COL6A6: variants seen among roughly 807,000 people sequenced by gnomAD.
The protein encoded by COL6A6 is collagen type VI alpha 6 chain.
A neutral mutation model predicts 208.6 loss-of-function variants in COL6A6; 183 were observed. The observed-to-expected ratio is 0.88, with a 90% confidence interval of 0.78 to 0.99. COL6A6 has a LOEUF of 0.99. COL6A6 is among the 50% of genes least tolerant of loss of function. The pLI is 0.00. For missense variants in COL6A6, 2,816 were observed against 2,815.2 expected (o/e 1.00, Z -0.01); for synonymous variants, 973 against 1,011.8 (o/e 0.96, Z 0.73).
At chr3:130,517,465 A>G (rs1391352254) in intron 1 of COL6A6, among the ~76,000 whole-genome samples, 68 bp downstream of exon 1, 9 of 152,244 alleles carry the variant, frequency 5.9e-5, no homozygotes, top group African/African-American at 2.2e-4. Context: ...CAGTAGTTGG[A>G]TGGGAGGGAC....
intron 1 of COL6A6, among the ~76,000 whole-genome samples, chr3:130,521,191 T>G (rs897815281): frequency 6.6e-6 from 1 of 152,218 alleles, no homozygotes; most frequent in Non-Finnish European, 1.5e-5. Context: ...TTGCCAGAGT[T>G]AGTTGGCAAA....
chr3:130,624,428 T>C (rs964110268), intron 24 of COL6A6, among the ~76,000 whole-genome samples: 1 of 152,104 alleles, frequency 6.6e-6, no homozygotes, highest in African/African-American at 2.4e-5. Flanking sequence ...AATTGGAGGA[T>C]GTAACAAGAT....
At chr3:130,547,493 C>G (rs915424822) in intron 1 of COL6A6, among the ~76,000 whole-genome samples, 1 of 152,206 alleles carries the variant, frequency 6.6e-6, no homozygotes, top group Admixed American at 6.5e-5. Context: ...CCTTGGCCAG[C>G]CTAGAGAGGG....
intron 1 of COL6A6, among the ~76,000 whole-genome samples, chr3:130,551,130 T>TC (rs35757679): frequency 0.68 from 101,596 of 150,288 alleles, 37,710 homozygotes; most frequent in Non-Finnish European, 0.83. Context: ...TTTTTTTTTT[T>TC]CTGTGTGTGT....
In COL6A6 at chr3:130,661,741, G is replaced by A. The variant is rs769186974; in HGVS notation, c.5935G>A (p.Ala1979Thr). 20 of 1,613,800 alleles carry A rather than the reference G, an allele frequency of 1.2e-5. No homozygotes were observed. The Admixed American group carries it at 1.7e-4, about 13-fold the overall frequency. Residue 1979 changes from alanine (A) to threonine (T), a missense_variant, in exon 35 of 37, where the codon GCT becomes ACT. Transcript: ENST00000358511. ...GGATGCCTCCCGGAACATGGGAAGT[G>A]CTGAATTTGAAGACATAAGAGCCTT... ...LLDASRNMGS[A>T]EFEDIRAFLG...
chr3:130,528,554 A>G (rs574961084), intron 1 of COL6A6, among the ~76,000 whole-genome samples: 1 of 152,244 alleles, frequency 6.6e-6, no homozygotes, highest in Non-Finnish European at 1.5e-5. Context: ...ATGCAGCCGT[A>G]GATAGTACAT....
At chr3:130,553,533 C>A (rs1178246191) in intron 1 of COL6A6, among the ~76,000 whole-genome samples, 1 of 152,010 alleles carries the variant, frequency 6.6e-6, no homozygotes, top group Non-Finnish European at 1.5e-5. Context: ...ACCATTTCTT[C>A]TTTCATCTCC....
intron 6 of COL6A6, among the ~76,000 whole-genome samples, chr3:130,569,596 A>G (rs2107920830): frequency 6.6e-6 from 1 of 152,330 alleles, no homozygotes; most frequent in Non-Finnish European, 1.5e-5. Flanking sequence ...TTTGGTGCTC[A>G]TGATCTGTAT....
At chr3:130,575,110 T>C (rs948053588) in intron 8 of COL6A6, among the ~76,000 whole-genome samples, 1 of 152,148 alleles carries the variant, frequency 6.6e-6, no homozygotes, top group Non-Finnish European at 1.5e-5. Context: ...TGATTCTATA[T>C]AACTACCAAA....
At chr3:130,671,229 C>A (rs1314871244) in intron 36 of COL6A6, among the ~76,000 whole-genome samples, 2 of 152,174 alleles carry the variant, frequency 1.3e-5, no homozygotes, top group African/African-American at 4.8e-5. Flanking sequence ...ATGTAGCCAG[C>A]CATGAATGCT....
At chr3:130,648,132 A>G (rs1251319057) in intron 32 of COL6A6, among the ~76,000 whole-genome samples, 4 of 152,376 alleles carry the variant, frequency 2.6e-5, no homozygotes, top group East Asian at 1.9e-4. Flanking sequence ...TTTGGAACCA[A>G]TGAGTATGGA....
Position 130,590,817 on chromosome 3 carries a change from T to C in COL6A6, c.4219-224T>C, listed in dbSNP as rs189711362. 1.1e-4 allele frequency among the ~76,000 whole-genome samples: 16 copies of C among 152,294 alleles called. No homozygotes were observed. In the East Asian group the frequency reaches 2.7e-3, roughly 26 times the overall value. Reference sequence around the variant, plus strand: ...CTCCTGGCCTCTTGATCCGCCCGCCTGGGCCTCCCAAAGTGCTGGAATTAC... The same window carrying C: ...CTCCTGGCCTCTTGATCCGCCCGCCCGGGCCTCCCAAAGTGCTGGAATTAC... On this transcript the variant is annotated intron_variant, in intron 12 of 36. Coordinates refer to ENST00000358511, the MANE Select transcript of COL6A6 (RefSeq NM_001102608.3).
At position 130,586,546 on chromosome 3, in the gene COL6A6, T is replaced by C. The variant is rs2063546405; in HGVS notation, c.4011T>C (p.Ala1337=). The change falls in exon 11 of 37, where the codon GCT becomes GCC. Residue 1337 remains alanine, a synonymous_variant. Coordinates refer to ENST00000358511, the MANE Select transcript of COL6A6 (RefSeq NM_001102608.3). ...TAACTGTTGCTCTGGATGGACCTGC[T>C]GATTCAAGTGACTTGGCTGATCTTC... ...ALITVALDGP[A]DSSDLADLPY... 1.2e-6 allele frequency: 2 copies of C among 1,613,836 alleles called. No individual in the cohort carries two copies. Among genetic ancestry groups the C allele is most frequent in the African/African-American group, 1.3e-5 (1 of 74,938 alleles).
rs115130183 is a variant in COL6A6 at position 130,671,422 on chromosome 3, A to G, written c.6597-3780A>G. Reference sequence around the variant, plus strand: ...ATTCACTGGATGCTCAGCTTCTCCTATGTATTTGAAATGGTGAAATGTCAG... The same window carrying G: ...ATTCACTGGATGCTCAGCTTCTCCTGTGTATTTGAAATGGTGAAATGTCAG... On this transcript the variant is annotated intron_variant, in intron 36 of 36. Coordinates refer to ENST00000358511, the MANE Select transcript of COL6A6 (RefSeq NM_001102608.3). 4.4e-4 allele frequency among the ~76,000 whole-genome samples: 67 copies of G among 152,320 alleles called. No individual in the cohort carries two copies. In the Middle Eastern group the frequency reaches 0.01, roughly 23 times the overall value.
intron 36 of COL6A6, 53 bp from the exon 37 acceptor site, chr3:130,675,149 T>C: frequency 8.8e-7 from 1 of 1,132,266 alleles, no homozygotes; most frequent in Non-Finnish European, 1.2e-6. Context: ...ATATGTAGTC[T>C]ATTAAAGTTG....
rs747936555 is a variant in COL6A6 at position 130,565,540 on chromosome 3, T to C, written c.1208T>C (p.Phe403Ser). ...GACCTGGCTGCTCACAACCAGACAT[T>C]TCTGAAGAAGCTGCGGAACCAAATA... The part of the protein sequence containing the change: ...FADLAAHNQT[F>S]LKKLRNQITH... Residue 403 changes from phenylalanine to serine, a missense_variant, in exon 4 of 37, where the codon TTT (phenylalanine) becomes TCT (serine). Physicochemically the swap from Phe to Ser is radical, Grantham distance 155. Transcript: ENST00000358511. 1.9e-6 allele frequency: 3 copies of C among 1,613,904 alleles called. No homozygotes were observed. The highest frequency in any genetic ancestry group is 2.5e-6 in the Non-Finnish European group (3 of 1,179,826).
chr3:130,638,236 T>C (rs56857660), intron 28 of COL6A6, among the ~76,000 whole-genome samples: 55,766 of 151,964 alleles, frequency 0.37, 13,377 homozygotes, highest in African/African-American at 0.66. Flanking sequence ...GAATTGACAA[T>C]ATGCCTCTAA....
chr3:130,539,490 C>T (rs531802749), intron 1 of COL6A6, among the ~76,000 whole-genome samples: 69 of 152,058 alleles, frequency 4.5e-4, no homozygotes, highest in Non-Finnish European at 8.8e-4. Flanking sequence ...AAAAATTAGC[C>T]GGGTGTGGTG....
intron 36 of COL6A6, among the ~76,000 whole-genome samples, chr3:130,666,841 G>T (rs968327389): frequency 7.2e-5 from 11 of 152,198 alleles, no homozygotes; most frequent in African/African-American, 2.6e-4. Flanking sequence ...TGAATTCACA[G>T]ATGAAGAAAA....
Sources: gnomAD v4.1 joint callset for allele counts (sites outside exome capture counted in the v4.1 genomes callset) on GRCh38, gnomAD v4.1.1 for gene constraint, MANE v1.5 for transcripts, NCBI Gene and HGNC (gene_info 2026-07-23, HGNC 2026-07-21) for gene names.